Variants in STXBP5L observed in about 807,000 individuals in gnomAD.
The protein encoded by STXBP5L is syntaxin-binding protein 5-like.
In STXBP5L, 65 loss-of-function variants were observed where a neutral mutation model predicts 144.5. The observed-to-expected ratio is 0.45, with a 90% CI of 0.37 to 0.55. The LOEUF (loss-of-function observed/expected upper bound fraction) is 0.55, where lower values mean the gene tolerates loss of function less well. Ranked by LOEUF, STXBP5L falls within the 20% of genes least tolerant of loss-of-function variation. The pLI is 0.00. For synonymous variants in STXBP5L, 505 were observed against 469.6 expected (o/e 1.08, Z -0.97); for missense variants, 1,298 against 1,405.5 (o/e 0.92, Z 1.22).
At chr3:121,240,834 G>C (rs1490585030) in intron 14 of STXBP5L, among the ~76,000 whole-genome samples, 2 of 152,072 alleles carry the variant, frequency 1.3e-5, no homozygotes, top group African/African-American at 4.8e-5. Context: ...GCCAAATTCA[G>C]GAATCACTGC....
chr3:121,322,706 A>G (rs543112675), intron 20 of STXBP5L, among the ~76,000 whole-genome samples: 6 of 151,854 alleles, frequency 4.0e-5, no homozygotes, highest in East Asian at 1.9e-4. Flanking sequence ...GGGGGTGCGG[A>G]TATATGCCCA....
intron 3 of STXBP5L, among the ~76,000 whole-genome samples, chr3:121,013,033 T>C (rs1944894556): frequency 6.6e-6 from 1 of 151,962 alleles, no homozygotes; most frequent in African/African-American, 2.4e-5. Flanking sequence ...TTTATTCTTT[T>C]TTTTTATGGC....
At chr3:121,236,458 T>C (rs527270592) in intron 12 of STXBP5L, among the ~76,000 whole-genome samples, 3 of 152,170 alleles carry the variant, frequency 2.0e-5, no homozygotes, top group South Asian at 2.1e-4. Flanking sequence ...TTTCTACTCA[T>C]CTCAGAACGT....
intron 18 of STXBP5L, among the ~76,000 whole-genome samples, chr3:121,266,518 C>T (rs574011043): frequency 1.3e-5 from 2 of 152,290 alleles, no homozygotes; most frequent in East Asian, 3.9e-4. Flanking sequence ...CAGCCAATAT[C>T]ATACTCAATA....
At chr3:121,053,224 C>G (rs1948166406) in intron 5 of STXBP5L, among the ~76,000 whole-genome samples, 1 of 152,066 alleles carries the variant, frequency 6.6e-6, no homozygotes, top group African/African-American at 2.4e-5. Context: ...GCTTTCTTCA[C>G]AGAATTGGAA....
intron 2 of STXBP5L, among the ~76,000 whole-genome samples, chr3:120,932,037 T>A (rs202202261): frequency 9.2e-5 from 14 of 152,212 alleles, no homozygotes; most frequent in East Asian, 5.8e-4. Context: ...CTATTGCTCC[T>A]GGGTTATAAA....
chr3:121,238,587 T>C (rs949057236), intron 12 of STXBP5L, among the ~76,000 whole-genome samples: 9 of 152,184 alleles, frequency 5.9e-5, no homozygotes, highest in Admixed American at 1.3e-4. Flanking sequence ...TTTATAAGGA[T>C]ACTAAATAAA....
intron 11 of STXBP5L, among the ~76,000 whole-genome samples, chr3:121,233,283 A>G (rs2049365470): frequency 6.6e-6 from 1 of 152,180 alleles, no homozygotes; most frequent in African/African-American, 2.4e-5. Flanking sequence ...CTAAAATACA[A>G]AGGTTATGGA....
At chr3:121,032,410 G>T (rs1234324952) in intron 3 of STXBP5L, among the ~76,000 whole-genome samples, 1 of 152,090 alleles carries the variant, frequency 6.6e-6, no homozygotes, top group Non-Finnish European at 1.5e-5. Flanking sequence ...CTAGAAAGTT[G>T]TTATTCGTGA....
At chr3:121,061,607 C>G (rs79973754) in intron 5 of STXBP5L, among the ~76,000 whole-genome samples, 5 of 152,276 alleles carry the variant, frequency 3.3e-5, no homozygotes, top group African/African-American at 7.2e-5. Flanking sequence ...GAGTCTAATT[C>G]TCTTTGTAGG....
intron 20 of STXBP5L, among the ~76,000 whole-genome samples, chr3:121,344,910 A>T (rs115165761): frequency 0.036 from 5,378 of 150,684 alleles, 147 homozygotes; most frequent in Middle Eastern, 0.085. Flanking sequence ...TTAAAATTAC[A>T]AAGAAGAGTA....
intron 5 of STXBP5L, among the ~76,000 whole-genome samples, chr3:121,078,073 GGTGTATTTA>G (rs2042096876): frequency 6.7e-6 from 1 of 149,222 alleles, no homozygotes; most frequent in African/African-American, 2.5e-5. Context: ...AGTGCCAATT[GGTGTATTTA>G]CAATCCCTTA....
At chr3:121,351,940 A>T (rs1051089510) in intron 20 of STXBP5L, among the ~76,000 whole-genome samples, 2 of 152,120 alleles carry the variant, frequency 1.3e-5, no homozygotes, top group Admixed American at 6.5e-5. Context: ...TTAAATAGGG[A>T]ATCCTTTCCC....
At chr3:121,169,333 A>G (rs941293406) in intron 9 of STXBP5L, among the ~76,000 whole-genome samples, 6 of 152,242 alleles carry the variant, frequency 3.9e-5, no homozygotes, top group Non-Finnish European at 8.8e-5. Context: ...AAATTCACAC[A>G]TAACAATATT....
intron 3 of STXBP5L, among the ~76,000 whole-genome samples, chr3:120,989,115 C>T (rs1218869544): frequency 6.6e-6 from 1 of 152,068 alleles, no homozygotes; most frequent in Non-Finnish European, 1.5e-5. Flanking sequence ...GTGACTTGTG[C>T]TGTGCTAAAT....
chr3:121,290,594 G>C (rs1402303567), intron 19 of STXBP5L, among the ~76,000 whole-genome samples: 1 of 151,926 alleles, frequency 6.6e-6, no homozygotes, highest in African/African-American at 2.4e-5. Flanking sequence ...ACCAAGAAGG[G>C]ACATAACAAA....
At chr3:120,915,932 G>A (rs1403229816) in intron 2 of STXBP5L, among the ~76,000 whole-genome samples, 1 of 152,126 alleles carries the variant, frequency 6.6e-6, no homozygotes. Context: ...GTCACTGAAT[G>A]AATGCAGCAA....
At chr3:120,936,408 G>A (rs1375729827) in intron 2 of STXBP5L, among the ~76,000 whole-genome samples, 1 of 143,376 alleles carries the variant, frequency 7.0e-6, no homozygotes, top group Non-Finnish European at 1.5e-5. Flanking sequence ...ATGGAAAAAA[G>A]GATGCACAGG....
chr3:121,356,155 A>G (rs2045505405), intron 20 of STXBP5L, among the ~76,000 whole-genome samples: 1 of 152,230 alleles, frequency 6.6e-6, no homozygotes, highest in Admixed American at 6.5e-5. Flanking sequence ...TGTCAGCGAC[A>G]CACTTAGGAG....
Sources: allele counts gnomAD v4.1 joint callset (sites outside exome capture counted in the v4.1 genomes callset), GRCh38; gene constraint gnomAD v4.1.1; transcripts MANE v1.5; gene names NCBI Gene and HGNC (gene_info 2026-07-23, HGNC 2026-07-21).